ZNRF1: variants seen among roughly 807,000 people sequenced by gnomAD.
The protein encoded by ZNRF1 is E3 ubiquitin-protein ligase ZNRF1.
A neutral mutation model predicts 18.4 loss-of-function variants in ZNRF1; 3 were observed. The observed-to-expected ratio is 0.16, with a 90% CI of 0.07 to 0.42. ZNRF1 has a LOEUF of 0.42. ZNRF1 is among the 10% of genes least tolerant of loss of function. The pLI is 0.99. For missense variants in ZNRF1, 310 were observed against 329.8 expected, an observed-to-expected ratio of 0.94 and a Z score of 0.47; for synonymous variants, 157 against 144.2, an observed-to-expected ratio of 1.09 and a Z score of -0.64.
At chr16:75,008,654 T>C (rs1379370688) in intron 1 of ZNRF1, among the ~76,000 whole-genome samples, 1 of 152,240 alleles carries the variant, frequency 6.6e-6, no homozygotes, top group East Asian at 1.9e-4. Flanking sequence ...GCCTCTGGTA[T>C]ACCAGGACCT....
At chr16:75,058,220 A>G (rs1402511829) in intron 1 of ZNRF1, among the ~76,000 whole-genome samples, 1 of 149,820 alleles carries the variant, frequency 6.7e-6, no homozygotes, top group Non-Finnish European at 1.5e-5. Context: ...CAGTCCTCCC[A>G]CCTCAGCCTG....
intron 2 of ZNRF1, among the ~76,000 whole-genome samples, chr16:75,095,345 T>G (rs965337745): frequency 6.6e-6 from 1 of 152,074 alleles, no homozygotes; most frequent in Non-Finnish European, 1.5e-5. Context: ...TGTTGTCACA[T>G]GTGCTGCAGG....
At chr16:75,090,318 G>A (rs1161543263) in intron 1 of ZNRF1, among the ~76,000 whole-genome samples, 1 of 152,204 alleles carries the variant, frequency 6.6e-6, no homozygotes, top group Non-Finnish European at 1.5e-5. Flanking sequence ...AGCTGTGCAA[G>A]AAAACTGGAT....
At chr16:75,059,487 C>G (rs919548840) in intron 1 of ZNRF1, among the ~76,000 whole-genome samples, 2 of 151,960 alleles carry the variant, frequency 1.3e-5, no homozygotes, top group African/African-American at 4.8e-5. Flanking sequence ...TCAAAAAGAA[C>G]AGCATAATGA....
chr16:75,074,476 C>T lies in ZNRF1; in HGVS notation c.425-19096C>T, dbSNP rs138198434. On this transcript the variant is annotated intron_variant, in intron 1 of 4. Coordinates refer to ENST00000335325, the MANE Select transcript of ZNRF1 (RefSeq NM_032268.5). ...TGAATATTTATGGGTGGATTTATTT[C>T]GTGTCTGGAATTTTCTTCAAAATAA... 2.7e-4 allele frequency among the ~76,000 whole-genome samples: 41 copies of T among 152,262 alleles called. No individual in the cohort carries two copies. The East Asian group carries it at 7.9e-3, about 29-fold the overall frequency.
At chr16:75,014,006 T>C (rs1359333582) in intron 1 of ZNRF1, among the ~76,000 whole-genome samples, 2 of 151,964 alleles carry the variant, frequency 1.3e-5, no homozygotes, top group African/African-American at 4.8e-5. Context: ...ATTTTTTGTA[T>C]TTTTAGTAGA....
At chr16:75,026,404 C>T (rs2035225152) in intron 1 of ZNRF1, among the ~76,000 whole-genome samples, 1 of 152,018 alleles carries the variant, frequency 6.6e-6, no homozygotes. Flanking sequence ...ATAGCGTTCC[C>T]CTGAGCTCAG....
chr16:75,095,479 T>A, intron 2 of ZNRF1: 1 of 1,107,982 alleles, frequency 9.0e-7, no homozygotes, highest in African/African-American at 1.6e-5. Flanking sequence ...CAGCCCTCCC[T>A]AGCCATGGCC....
Position 75,110,176 on chromosome 16 carries a change from T to C in ZNRF1, c.*2476T>C, listed in dbSNP as rs915567228. 1 of 151,242 alleles carries C rather than the reference T, an allele frequency of 6.6e-6. No individual in the cohort carries two copies. The highest frequency in any genetic ancestry group is 6.7e-5 in the Admixed American group (1 of 15,024). The allele number at this position is 151,242 out of a possible 1,614,324, so 9.4% of individuals were successfully genotyped here. ...TCCTACCTGGCATGCTGCAGCCCTCTGCCGGCTGTGGTGTCCTCTGAATTT... is the reference window on the plus strand; with the variant it reads ...TCCTACCTGGCATGCTGCAGCCCTCCGCCGGCTGTGGTGTCCTCTGAATTT... On this transcript the variant is annotated 3_prime_UTR_variant, in exon 5 of 5. Transcript: ENST00000335325.
At chr16:75,106,914 G>A (rs1353174030) in intron 4 of ZNRF1, 1 of 249,414 alleles carries the variant, frequency 4.0e-6, no homozygotes, top group Non-Finnish European at 8.1e-6. Flanking sequence ...GTTTGTGCCT[G>A]GCTTGGCCTC....
intron 1 of ZNRF1, among the ~76,000 whole-genome samples, chr16:75,068,229 T>C (rs2035827949): frequency 6.6e-6 from 1 of 150,522 alleles, no homozygotes; most frequent in South Asian, 2.1e-4. Flanking sequence ...CTGGGCATGA[T>C]TGCATGCACC....
intron 1 of ZNRF1, among the ~76,000 whole-genome samples, chr16:75,062,050 A>C (rs2035750676): frequency 6.6e-6 from 1 of 152,218 alleles, no homozygotes; most frequent in Non-Finnish European, 1.5e-5. Flanking sequence ...AGTGTCAATG[A>C]AAAAATATTC....
intron 1 of ZNRF1, among the ~76,000 whole-genome samples, chr16:75,076,806 T>G (rs892914452): frequency 1.3e-5 from 2 of 151,512 alleles, no homozygotes; most frequent in African/African-American, 4.8e-5. Context: ...GTGGTGCCTT[T>G]ATGATGGAAT....
chr16:75,051,290 C>G (rs1467688431), intron 1 of ZNRF1, among the ~76,000 whole-genome samples: 1 of 152,154 alleles, frequency 6.6e-6, no homozygotes, highest in Non-Finnish European at 1.5e-5. Flanking sequence ...TCACTGCAGC[C>G]TCTGCCTCCC....
chr16:75,021,885 T>C (rs1441797944), intron 1 of ZNRF1, among the ~76,000 whole-genome samples: 1 of 152,242 alleles, frequency 6.6e-6, no homozygotes, highest in East Asian at 1.9e-4. Context: ...CATCTAGTTA[T>C]CTCTTCAAAT....
rs13380534 is a variant in ZNRF1, at chr16:75,033,022, A to C, written c.424+32927A>C. On this transcript the variant is annotated intron_variant, in intron 1 of 4. Coordinates refer to ENST00000335325, the MANE Select transcript of ZNRF1 (RefSeq NM_032268.5). ...GCAAGACTCCACTGGATTACCATGG[A>C]AGGTTTAAGGGTACTATTGGCAATA... 3.2e-3 allele frequency among the ~76,000 whole-genome samples: 487 copies of C among 152,274 alleles called. 5 individuals are homozygous for C. Among genetic ancestry groups the C allele is most frequent in the African/African-American group, 0.011 (466 of 41,566 alleles).
chr16:75,101,396 A>G (rs1240263057), intron 2 of ZNRF1, among the ~76,000 whole-genome samples: 3 of 152,168 alleles, frequency 2.0e-5, no homozygotes, highest in Non-Finnish European at 4.4e-5. Flanking sequence ...TCTACTAAAA[A>G]CACAAAAATT....
chr16:75,015,333 C>T (rs918822320), intron 1 of ZNRF1, among the ~76,000 whole-genome samples: 5 of 152,188 alleles, frequency 3.3e-5, no homozygotes, highest in South Asian at 2.1e-4. Flanking sequence ...CGAGGTAGCT[C>T]ATGCCTGTAA....
intron 1 of ZNRF1, among the ~76,000 whole-genome samples, chr16:75,049,033 C>G (rs149824306): frequency 6.4e-4 from 94 of 147,328 alleles, no homozygotes; most frequent in African/African-American, 2.1e-3. Flanking sequence ...GATGGAGTCT[C>G]TCACTTTGTC....
Sources: allele counts gnomAD v4.1 joint callset (sites outside exome capture counted in the v4.1 genomes callset), GRCh38; gene constraint gnomAD v4.1.1; transcripts MANE v1.5; gene names NCBI Gene and HGNC (gene_info 2026-07-23, HGNC 2026-07-21).